Variants in ZNG1E observed in about 807,000 individuals in gnomAD.
The protein encoded by ZNG1E is Zn regulated GTPase metalloprotein activator 1E, also known as zinc-regulated GTPase metalloprotein activator 1E.
At chr9:65,702,137 AAAG>A in the ZNG1E span, among the ~76,000 whole-genome samples, 2 of 149,352 alleles carry the variant, frequency 1.3e-5, no homozygotes, top group African/African-American at 2.5e-5. Context: ...TGTATTCAAA[AAAG>A]AAGATTTAAG....
chr9:65,660,729 A>G, the ZNG1E span, among the ~76,000 whole-genome samples: 2 of 147,474 alleles, frequency 1.4e-5, no homozygotes, highest in Non-Finnish European at 3.0e-5. Context: ...ATCCCTGCCA[A>G]TTGATACTAC....
the ZNG1E span, chr9:65,719,326 G>C: frequency 1.4e-5 from 2 of 138,484 alleles, no homozygotes; most frequent in Non-Finnish European, 3.0e-5. Flanking sequence ...TAAACTTGCT[G>C]TTACTAATTT....
At chr9:65,711,049 TCTC>T in the ZNG1E span, among the ~76,000 whole-genome samples, 1 of 140,570 alleles carries the variant, frequency 7.1e-6, no homozygotes, top group South Asian at 2.4e-4. Context: ...GGTTTGTAGT[TCTC>T]CTTGAAGAGG....
At chr9:65,710,508 A>G in the ZNG1E span, among the ~76,000 whole-genome samples, 2 of 151,870 alleles carry the variant, frequency 1.3e-5, no homozygotes, top group Non-Finnish European at 2.9e-5. Flanking sequence ...TAAGTCTTTA[A>G]TCCATCTTGA....
the ZNG1E span, among the ~76,000 whole-genome samples, chr9:65,666,704 C>T: frequency 6.7e-6 from 1 of 148,286 alleles, no homozygotes; most frequent in African/African-American, 2.5e-5. Flanking sequence ...CTGTCACCAT[C>T]TGTAGCTTGT....
chr9:65,691,549 A>G, the ZNG1E span, among the ~76,000 whole-genome samples: 1 of 152,234 alleles, frequency 6.6e-6, no homozygotes, highest in Non-Finnish European at 1.5e-5. Flanking sequence ...ATGTCACTCA[A>G]CTTCCAATTT....
At chr9:65,726,453 G>A in the ZNG1E span, among the ~76,000 whole-genome samples, 768 of 71,970 alleles carry the variant, frequency 0.011, 27 homozygotes, top group African/African-American at 0.037. Flanking sequence ...TTAAGCTAAG[G>A]CATCAGAGAA....
chr9:65,661,156 C>T, the ZNG1E span, among the ~76,000 whole-genome samples: 7 of 140,570 alleles, frequency 5.0e-5, no homozygotes, highest in Admixed American at 3.6e-4. Flanking sequence ...ATAAAACATA[C>T]CTTGGAGGGT....
At chr9:65,657,456 A>G in the ZNG1E span, among the ~76,000 whole-genome samples, 1 of 152,282 alleles carries the variant, frequency 6.6e-6, no homozygotes, top group African/African-American at 2.4e-5. Context: ...TGTTAAGTGA[A>G]ATAAGCCAGG....
At chr9:65,728,531 G>A in the ZNG1E span, among the ~76,000 whole-genome samples, 1 of 148,224 alleles carries the variant, frequency 6.7e-6, no homozygotes, top group Non-Finnish European at 1.5e-5. Context: ...GAAATGAAAC[G>A]GGAGATATTA....
At chr9:65,685,162 A>G in the ZNG1E span, among the ~76,000 whole-genome samples, 2 of 152,274 alleles carry the variant, frequency 1.3e-5, no homozygotes. Flanking sequence ...ATGGCTAAAA[A>G]ATGCTAACAA....
the ZNG1E span, among the ~76,000 whole-genome samples, chr9:65,686,371 T>A: frequency 6.6e-6 from 1 of 152,212 alleles, no homozygotes; most frequent in Non-Finnish European, 1.5e-5. Context: ...GCTCGGTGGC[T>A]CATGCCTGTA....
chr9:65,658,095 G>T, the ZNG1E span, among the ~76,000 whole-genome samples: 2 of 128,624 alleles, frequency 1.6e-5, no homozygotes, highest in African/African-American at 2.9e-5. Flanking sequence ...GCAAAACTCC[G>T]TCTCAAAAAA....
the ZNG1E span, among the ~76,000 whole-genome samples, chr9:65,727,447 A>G: frequency 7.5e-6 from 1 of 132,540 alleles, no homozygotes; most frequent in African/African-American, 3.1e-5. Context: ...CACTTAAAAG[A>G]TACAGAATTG....
chr9:65,678,961 ATATT>A, the ZNG1E span, among the ~76,000 whole-genome samples: 1 of 128,310 alleles, frequency 7.8e-6, no homozygotes, highest in African/African-American at 3.2e-5. Context: ...GTGTTTGTAA[ATATT>A]TATAAAATTT....
chr9:65,672,301 G>A, the ZNG1E span, among the ~76,000 whole-genome samples: 5 of 148,600 alleles, frequency 3.4e-5, no homozygotes, highest in East Asian at 9.9e-4. Context: ...AAGTAAATGA[G>A]ACAAAATAGC....
chr9:65,719,853 G>A, the ZNG1E span: 2 of 989,290 alleles, frequency 2.0e-6, no homozygotes, highest in Non-Finnish European at 2.8e-6. Context: ...TTTTTTTTAA[G>A]AAATTTTAAA....
the ZNG1E span, among the ~76,000 whole-genome samples, chr9:65,657,757 G>A: frequency 2.6e-5 from 4 of 152,274 alleles, no homozygotes; most frequent in South Asian, 2.1e-4. Flanking sequence ...AATGCTTGAG[G>A]CAACGGATAT....
At chr9:65,699,587 C>G in the ZNG1E span, among the ~76,000 whole-genome samples, 72 of 40,698 alleles carry the variant, frequency 1.8e-3, no homozygotes, top group African/African-American at 6.7e-3. Flanking sequence ...GTGCAATATC[C>G]TGATATATCT....
Sources: gnomAD v4.1 joint callset for allele counts (sites outside exome capture counted in the v4.1 genomes callset) on GRCh38, gnomAD v4.1.1 for gene constraint, MANE v1.5 for transcripts, NCBI Gene and HGNC (gene_info 2026-07-23, HGNC 2026-07-21) for gene names.